Variants in SHC3 observed in about 807,000 individuals in gnomAD.
SHC3 encodes the protein SHC-transforming protein 3.
Under a neutral mutation model 60.4 loss-of-function variants are expected in SHC3, and 15 were observed. The ratio of observed to expected loss-of-function variants is 0.25; its 90% CI spans 0.17 to 0.38. The LOEUF (loss-of-function observed/expected upper bound fraction) is 0.38. Among genes scored for constraint, SHC3 ranks in the 10% least tolerant of loss-of-function variants. The probability of loss-of-function intolerance (pLI) is 1.00; values close to 1 mark genes in which losing one functional copy is unlikely to be tolerated. For missense variants in SHC3, 677 were observed against 786.1 expected (o/e 0.86, Z 1.66); for synonymous variants, 294 against 325.9 (o/e 0.90, Z 1.05).
intron 1 of SHC3, among the ~76,000 whole-genome samples, chr9:89,157,989 T>C (rs902639207): frequency 6.6e-6 from 1 of 151,944 alleles, no homozygotes; most frequent in Non-Finnish European, 1.5e-5. Context: ...ATTTTTTCAA[T>C]TGATTTCCTA....
rs553278456 is a variant in SHC3 at position 89,105,858 on chromosome 9, C to A, written c.545+6698G>T. ...GTTGCATCAAACCAATCTTTCCCTT[C>A]AGTTAGAAAAAACACCCTGGAATGA... is the stretch of plus-strand genomic sequence containing the variant. On this transcript the variant is annotated intron_variant, in intron 2 of 11. Transcript: ENST00000375835. Among the ~76,000 whole-genome samples the A allele has an allele frequency of 1.9e-4, 29 of 152,210 alleles. No homozygotes were observed. The South Asian group carries it at 5.6e-3, about 29-fold the overall frequency.
chr9:89,039,205 G>A (rs565110578), intron 10 of SHC3, among the ~76,000 whole-genome samples: 1 of 152,308 alleles, frequency 6.6e-6, no homozygotes, highest in South Asian at 2.1e-4. Context: ...AACAGGAGTG[G>A]TTCTTTCCTG....
chr9:89,101,112 C>G (rs1825777167), intron 2 of SHC3, among the ~76,000 whole-genome samples: 2 of 152,138 alleles, frequency 1.3e-5, no homozygotes, highest in Non-Finnish European at 2.9e-5. Context: ...TAGTTCTTAG[C>G]ATATAAATCT....
At chr9:89,069,858 C>T (rs1385568195) in intron 5 of SHC3, among the ~76,000 whole-genome samples, 1 of 152,244 alleles carries the variant, frequency 6.6e-6, no homozygotes, top group African/African-American at 2.4e-5. Flanking sequence ...CTGGAGTCTA[C>T]CTTTGACATT....
intron 1 of SHC3, among the ~76,000 whole-genome samples, chr9:89,154,904 T>C (rs1002851761): frequency 6.6e-6 from 1 of 152,156 alleles, no homozygotes; most frequent in Non-Finnish European, 1.5e-5. Context: ...AAAATACATA[T>C]TGGTATTATG....
At chr9:89,140,171 C>A (rs1826372246) in intron 1 of SHC3, among the ~76,000 whole-genome samples, 1 of 152,158 alleles carries the variant, frequency 6.6e-6, no homozygotes, top group Non-Finnish European at 1.5e-5. Context: ...ATATCACAAA[C>A]ACACAACACA....
At chr9:89,091,998 T>C (rs1241629149) in intron 2 of SHC3, among the ~76,000 whole-genome samples, 2 of 152,166 alleles carry the variant, frequency 1.3e-5, no homozygotes, top group Non-Finnish European at 2.9e-5. Context: ...AGACAGCACA[T>C]GGATGTGAAA....
intron 10 of SHC3, among the ~76,000 whole-genome samples, chr9:89,041,758 G>A (rs969552812): frequency 3.6e-4 from 55 of 152,304 alleles, no homozygotes; most frequent in African/African-American, 1.3e-3. Context: ...ATTTGTGTAT[G>A]TATATTGTCT....
chr9:89,023,896 T>C (rs1462715892), intron 11 of SHC3, among the ~76,000 whole-genome samples: 1 of 152,224 alleles, frequency 6.6e-6, no homozygotes, highest in Non-Finnish European at 1.5e-5. Flanking sequence ...CTGAAGGGCT[T>C]GTGAAAGTTC....
At chr9:89,051,766 A>G (rs1181585520) in intron 7 of SHC3, among the ~76,000 whole-genome samples, 1 of 152,258 alleles carries the variant, frequency 6.6e-6, no homozygotes, top group African/African-American at 2.4e-5. Flanking sequence ...GAACAAAAAA[A>G]TTTATAATGA....
intron 1 of SHC3, among the ~76,000 whole-genome samples, chr9:89,172,504 C>T (rs573981149): frequency 6.6e-6 from 1 of 152,014 alleles, no homozygotes; most frequent in Admixed American, 6.5e-5. Flanking sequence ...CATCCCCACA[C>T]CCCATCACAC....
chr9:89,126,202 G>T (rs1480443750), intron 1 of SHC3, among the ~76,000 whole-genome samples: 2 of 152,160 alleles, frequency 1.3e-5, no homozygotes, highest in Non-Finnish European at 2.9e-5. Context: ...TAGGGTTAGA[G>T]ACCCAACTTA....
chr9:89,017,671 T>G (rs1021862051), intron 11 of SHC3, among the ~76,000 whole-genome samples: 11 of 152,072 alleles, frequency 7.2e-5, no homozygotes, highest in Admixed American at 5.9e-4. Flanking sequence ...CAAAAGAGCT[T>G]CTGCACAGCA....
At chr9:89,137,792 T>C (rs1301671889) in intron 1 of SHC3, among the ~76,000 whole-genome samples, 4 of 152,100 alleles carry the variant, frequency 2.6e-5, no homozygotes, top group East Asian at 1.9e-4. Context: ...TCAGAAGAGC[T>C]GCAACTTACA....
intron 2 of SHC3, among the ~76,000 whole-genome samples, chr9:89,092,276 G>A (rs1587722202): frequency 6.6e-6 from 1 of 152,246 alleles, no homozygotes; most frequent in African/African-American, 2.4e-5. Flanking sequence ...AGCAAAACCA[G>A]GAATTGTTGA....
intron 1 of SHC3, among the ~76,000 whole-genome samples, chr9:89,130,035 C>T (rs1296149309): frequency 6.6e-6 from 1 of 152,062 alleles, no homozygotes; most frequent in Admixed American, 6.6e-5. Flanking sequence ...GAGACACACA[C>T]ACACTCAAAA....
chr9:89,051,978 A>C (rs1288862635), intron 7 of SHC3, 59 bp downstream of exon 7: 1 of 1,598,410 alleles, frequency 6.3e-7, no homozygotes, highest in East Asian at 2.3e-5. Flanking sequence ...TGTGGTTTTA[A>C]GAGGAAAGGT....
At chr9:89,163,242 G>A (rs1826736979) in intron 1 of SHC3, among the ~76,000 whole-genome samples, 2 of 152,158 alleles carry the variant, frequency 1.3e-5, no homozygotes, top group Middle Eastern at 3.4e-3. Context: ...TCCCATTACT[G>A]GGTATATACC....
At chr9:89,069,474 CAAG>C (rs1355100849) in intron 5 of SHC3, among the ~76,000 whole-genome samples, 1 of 152,234 alleles carries the variant, frequency 6.6e-6, no homozygotes, top group Non-Finnish European at 1.5e-5. Flanking sequence ...TGACTTTTGA[CAAG>C]AAGATCGAAA....
Sources: gnomAD v4.1 joint callset for allele counts (sites outside exome capture counted in the v4.1 genomes callset) on GRCh38, gnomAD v4.1.1 for gene constraint, MANE v1.5 for transcripts, NCBI Gene and HGNC (gene_info 2026-07-23, HGNC 2026-07-21) for gene names.